ARFGEF3: variants seen among roughly 807,000 people sequenced by gnomAD.
ARFGEF3 encodes the protein brefeldin A-inhibited guanine nucleotide-exchange protein 3.
In ARFGEF3, 96 loss-of-function variants were observed where a neutral mutation model predicts 221.7. The observed-to-expected ratio is 0.43, with a 90% CI of 0.37 to 0.51. ARFGEF3 has a LOEUF of 0.51. ARFGEF3 is among the 20% of genes least tolerant of loss of function. ARFGEF3 has a pLI of 0.00. For missense variants in ARFGEF3, 2,410 were observed against 2,789.9 expected (o/e 0.86, Z 3.07); for synonymous variants, 1,145 against 1,126.8 (o/e 1.02, Z -0.32).
intron 12 of ARFGEF3, among the ~76,000 whole-genome samples, chr6:138,271,513 A>AAT (rs1779003020): frequency 3.3e-5 from 5 of 152,198 alleles, no homozygotes; most frequent in Admixed American, 3.3e-4. Context: ...TAACTCATTT[A>AAT]ATACTCATAA....
chr6:138,243,679 A>T lies in ARFGEF3; in HGVS notation c.586+685A>T, dbSNP rs148006142. Among the ~76,000 whole-genome samples, 52 of 152,054 alleles carry T rather than the reference A, an allele frequency of 3.4e-4. No homozygotes were observed. In the East Asian group the frequency reaches 8.7e-3, roughly 25 times the overall value. On this transcript the variant is annotated intron_variant, in intron 7 of 33. Transcript: ENST00000251691. ...AATCTGCTTTTCTATTATATGTGCCAGTTAATAATAGTGAGAAGGAGATGG... is the reference window on the plus strand; with the variant it reads ...AATCTGCTTTTCTATTATATGTGCCTGTTAATAATAGTGAGAAGGAGATGG...
In ARFGEF3 at chr6:138,245,496, C is replaced by T. The variant is rs376177776; in HGVS notation, c.587-17C>T. The T allele has an allele frequency of 1.9e-6, 3 of 1,595,090 alleles. No individual in the cohort carries two copies. Among genetic ancestry groups the T allele is most frequent in the Non-Finnish European group, 2.6e-6 (3 of 1,166,054 alleles). On this transcript the variant is annotated splice_polypyrimidine_tract_variant and intron_variant, in intron 7 of 33. Transcript: ENST00000251691. Reference sequence around the variant, plus strand: ...CCCTGTCGATGTCTCATGCCTGTAACCTCCTCTGTTTTGAAGGGTCAACAG... The same window carrying T: ...CCCTGTCGATGTCTCATGCCTGTAATCTCCTCTGTTTTGAAGGGTCAACAG...
At chr6:138,295,649 G>T (rs1175966073) in intron 20 of ARFGEF3, among the ~76,000 whole-genome samples, 3 of 149,038 alleles carry the variant, frequency 2.0e-5, no homozygotes, top group African/African-American at 7.4e-5. Flanking sequence ...AAGAAAGAAA[G>T]AAAATATAAT....
intron 2 of ARFGEF3, among the ~76,000 whole-genome samples, chr6:138,196,185 C>G (rs1145970): frequency 6.6e-6 from 1 of 152,100 alleles, no homozygotes; most frequent in South Asian, 2.1e-4. Context: ...TTTTCTCTTT[C>G]CCTCTGTCCC....
intron 12 of ARFGEF3, among the ~76,000 whole-genome samples, chr6:138,270,607 G>A (rs1036011286): frequency 3.9e-5 from 6 of 152,212 alleles, no homozygotes; most frequent in African/African-American, 1.4e-4. Flanking sequence ...ATAAACAGTA[G>A]TACTTACTTT....
intron 25 of ARFGEF3, among the ~76,000 whole-genome samples, chr6:138,313,563 G>T (rs1050721236): frequency 4.2e-4 from 64 of 152,256 alleles, no homozygotes; most frequent in African/African-American, 1.5e-3. Flanking sequence ...TTATCCATAG[G>T]ATCCTTTTTC....
At chr6:138,331,779 T>G (rs1294486882) in intron 32 of ARFGEF3, among the ~76,000 whole-genome samples, 1 of 152,006 alleles carries the variant, frequency 6.6e-6, no homozygotes, top group Non-Finnish European at 1.5e-5. Context: ...AGTTATTTGT[T>G]GATTTTGTTT....
chr6:138,202,752 G>T (rs1368424328), intron 2 of ARFGEF3, among the ~76,000 whole-genome samples: 15 of 151,286 alleles, frequency 9.9e-5, no homozygotes, highest in Admixed American at 9.9e-4. Flanking sequence ...TTGCAGATAC[G>T]GTCAGAAGCA....
intron 26 of ARFGEF3, among the ~76,000 whole-genome samples, chr6:138,315,743 T>TGGTG (rs1779913299): frequency 6.6e-6 from 1 of 151,384 alleles, no homozygotes; most frequent in South Asian, 2.1e-4. Flanking sequence ...CCCAGCTACT[T>TGGTG]GGGAGGCTGA....
chr6:138,278,733 T>A, intron 13 of ARFGEF3, 116 bp downstream of exon 13: 1 of 1,111,720 alleles, frequency 9.0e-7, no homozygotes, highest in Non-Finnish European at 1.3e-6. Flanking sequence ...CAGACTGCTC[T>A]AGGTTGGTAA....
rs144885734 is a variant in ARFGEF3, at chr6:138,263,243, A to G, written c.1760A>G (p.Tyr587Cys). 5.6e-5 allele frequency: 90 copies of G among 1,614,034 alleles called. No homozygotes were observed. In the African/African-American group the frequency reaches 1.0e-3, roughly 19 times the overall value. The change falls in exon 12 of 34, where the codon TAT (tyrosine) becomes TGT (cysteine). Residue 587 changes from tyrosine (Y) to cysteine (C), a missense_variant. Physicochemically the swap from Tyr to Cys is radical, Grantham distance 194. Transcript: ENST00000251691. ...FLSVDCRTRS[Y>C]GSRYSESNFS... ...TCAGTAGACTGCAGGACAAGGTCCTATGGATCTAGGTATAGTGAGAGCAAT... is the reference window on the plus strand; with the variant it reads ...TCAGTAGACTGCAGGACAAGGTCCTGTGGATCTAGGTATAGTGAGAGCAAT...
At position 138,314,087 on chromosome 6, in the gene ARFGEF3, C is replaced by T. The variant is rs535645383; in HGVS notation, c.4345+148C>T. 2.2e-4 allele frequency: 191 copies of T among 884,870 alleles called. No individual in the cohort carries two copies. In the African/African-American group the frequency reaches 2.8e-3, roughly 13 times the overall value. The allele number at this position is 884,870 out of a possible 1,614,324, so 54.8% of individuals were successfully genotyped here. ...GAGAATACTTGAGAGTGATAAATAG[C>T]AGATTTATTTCTTACAGTTCTGGAG... is the stretch of plus-strand genomic sequence containing the variant. On this transcript the variant is annotated intron_variant, in intron 26 of 33. Coordinates refer to ENST00000251691, the MANE Select transcript of ARFGEF3 (RefSeq NM_020340.5).
Position 138,280,178 on chromosome 6 carries a change from T to G in ARFGEF3, c.2461+14T>G. ...CAATGCTGACCGGTCAGTGGTTCGT[T>G]GCAAGGCCTTGGGGCACGTGGTAGG... On this transcript the variant is annotated intron_variant, in intron 14 of 33. Coordinates refer to ENST00000251691, the MANE Select transcript of ARFGEF3 (RefSeq NM_020340.5). The G allele has an allele frequency of 6.2e-7, 1 of 1,612,950 alleles. No individual in the cohort carries two copies. Among genetic ancestry groups the G allele is most frequent in the Non-Finnish European group, 8.5e-7 (1 of 1,179,280 alleles).
intron 4 of ARFGEF3, chr6:138,217,718 CAT>C (rs377161113): frequency 3.5e-5 from 13 of 372,560 alleles, no homozygotes; most frequent in African/African-American, 1.1e-4. Context: ...GACAGAAACA[CAT>C]GTGGTAGTTT....
Position 138,245,507 on chromosome 6 carries a change from T to C in ARFGEF3, c.587-6T>C. On this transcript the variant is annotated splice_region_variant and splice_polypyrimidine_tract_variant and intron_variant, in intron 7 of 33. Coordinates refer to ENST00000251691, the MANE Select transcript of ARFGEF3 (RefSeq NM_020340.5). ...TCTCATGCCTGTAACCTCCTCTGTT[T>C]TGAAGGGTCAACAGTAGAGTCCCTC... 6.2e-7 allele frequency: 1 copy of C among 1,607,708 alleles called. No homozygotes were observed. The highest frequency in any genetic ancestry group is 8.5e-7 in the Non-Finnish European group (1 of 1,176,464).
intron 5 of ARFGEF3, among the ~76,000 whole-genome samples, chr6:138,234,733 T>G (rs1778253950): frequency 6.6e-6 from 1 of 152,238 alleles, no homozygotes; most frequent in Non-Finnish European, 1.5e-5. Flanking sequence ...TGCTTTTTTA[T>G]AGCTTAATCT....
chr6:138,194,001 C>T (rs936510601), intron 2 of ARFGEF3, among the ~76,000 whole-genome samples: 5 of 152,088 alleles, frequency 3.3e-5, no homozygotes, highest in East Asian at 1.9e-4. Context: ...GAGCCGGACG[C>T]GGTGGCTCAC....
chr6:138,216,283 TTA>T (rs773318356), intron 4 of ARFGEF3: 2 of 152,198 alleles, frequency 1.3e-5, no homozygotes, highest in Non-Finnish European at 2.9e-5. Flanking sequence ...CGGGGTATTT[TTA>T]TATAACAAAC....
intron 1 of ARFGEF3, among the ~76,000 whole-genome samples, chr6:138,167,374 G>A (rs1011720290): frequency 1.6e-4 from 24 of 152,078 alleles, no homozygotes; most frequent in Non-Finnish European, 2.8e-4. Context: ...GCTCTGAAAC[G>A]CACACCCCGC....
Sources: allele counts gnomAD v4.1 joint callset (sites outside exome capture counted in the v4.1 genomes callset), GRCh38; gene constraint gnomAD v4.1.1; transcripts MANE v1.5; gene names NCBI Gene and HGNC (gene_info 2026-07-23, HGNC 2026-07-21).